The following PHLPP1 variants were observed in gnomAD, a reference collection of about 807,000 sequenced individuals.
PHLPP1 encodes PH domain and leucine rich repeat protein phosphatase 1, also known as PH domain leucine-rich repeat-containing protein phosphatase 1.
Under a neutral mutation model 117.2 loss-of-function variants are expected in PHLPP1, and 42 were observed. That is an observed-to-expected ratio of 0.36 (90% CI 0.28 to 0.46). PHLPP1 has a LOEUF of 0.46. Ranked by LOEUF, PHLPP1 falls within the 20% of genes least tolerant of loss-of-function variation. PHLPP1 has a pLI of 1.00. For missense variants in PHLPP1, 2,084 were observed against 2,241.9 expected, an observed-to-expected ratio of 0.93 and a Z score of 1.42; for synonymous variants, 1,042 against 970.7, an observed-to-expected ratio of 1.07 and a Z score of -1.37.
chr18:62,937,793 C>T (rs192883817), intron 10 of PHLPP1, among the ~76,000 whole-genome samples: 1 of 152,286 alleles, frequency 6.6e-6, no homozygotes, highest in Non-Finnish European at 1.5e-5. Context: ...AGGTGGGTCA[C>T]TTGAAGTCAG....
At chr18:62,793,936 T>G (rs1913542717) in intron 1 of PHLPP1, among the ~76,000 whole-genome samples, 1 of 152,242 alleles carries the variant, frequency 6.6e-6, no homozygotes, top group South Asian at 2.1e-4. Flanking sequence ...ATTATACAAG[T>G]TTGGTTTCCC....
intron 1 of PHLPP1, among the ~76,000 whole-genome samples, chr18:62,768,881 G>T (rs1325552160): frequency 6.6e-6 from 1 of 152,144 alleles, no homozygotes. Flanking sequence ...TTAGCTATCA[G>T]AATTATAATT....
chr18:62,744,182 C>T (rs753323767), intron 1 of PHLPP1, among the ~76,000 whole-genome samples: 1 of 152,074 alleles, frequency 6.6e-6, no homozygotes, highest in Non-Finnish European at 1.5e-5. Flanking sequence ...ATCTGGGCAC[C>T]CCAGCTTCTG....
chr18:62,720,475 A>G (rs546474866), intron 1 of PHLPP1, among the ~76,000 whole-genome samples: 7 of 152,254 alleles, frequency 4.6e-5, no homozygotes, highest in South Asian at 2.1e-4. Flanking sequence ...CGCGGGAACA[A>G]TCTTTTTATC....
At position 62,945,198 on chromosome 18, in the gene PHLPP1, G is replaced by A. The variant is rs780394677; in HGVS notation, c.3251G>A (p.Arg1084His). ...CCAACAACGATCATGAATTGCAGGC[G>A]CATGCACACCGTGATTGCTCACTCC... ...AIPTTIMNCR[R>H]MHTVIAHSNC... Residue 1084 changes from arginine (R) to histidine (H), a missense_variant, in exon 12 of 17, where the codon CGC (arginine) becomes CAC (histidine). Arg to His is a conservative substitution (Grantham distance 29, BLOSUM62 0). Coordinates refer to ENST00000262719, the MANE Select transcript of PHLPP1 (RefSeq NM_194449.4). The A allele has an allele frequency of 5.0e-5, 81 of 1,612,874 alleles. No homozygotes were observed. The highest frequency in any genetic ancestry group is 6.7e-5 in the African/African-American group (5 of 74,852).
At chr18:62,829,982 T>G (rs1031455069) in intron 1 of PHLPP1, 53 bp from the exon 2 acceptor site, 3 of 1,353,352 alleles carry the variant, frequency 2.2e-6, no homozygotes, top group Non-Finnish European at 3.1e-6. Flanking sequence ...TGTAGATGAG[T>G]AGGAAAAGGG....
chr18:62,933,397 G>A (rs550844336), intron 10 of PHLPP1, among the ~76,000 whole-genome samples: 10 of 152,142 alleles, frequency 6.6e-5, no homozygotes, highest in Non-Finnish European at 1.2e-4. Context: ...AAACAGCATC[G>A]AACTGTTACA....
At chr18:62,808,609 A>G (rs149155662) in intron 1 of PHLPP1, among the ~76,000 whole-genome samples, 333 of 149,370 alleles carry the variant, frequency 2.2e-3, no homozygotes, top group African/African-American at 7.5e-3. Context: ...CTGGGGTGCA[A>G]TGGCACCATG....
At chr18:62,733,870 G>A (rs1266685357) in intron 1 of PHLPP1, among the ~76,000 whole-genome samples, 1 of 152,146 alleles carries the variant, frequency 6.6e-6, no homozygotes, top group Admixed American at 6.5e-5. Flanking sequence ...AGATACAGTC[G>A]ACCGAGTTTA....
At position 62,716,554 on chromosome 18, in the gene PHLPP1, T is replaced by G. The variant is rs187210763; in HGVS notation, c.871T>G (p.Phe291Val). The G allele has an allele frequency of 0.042, 50,203 of 1,186,564 alleles. 1,165 individuals carry two copies. Among genetic ancestry groups the G allele is most frequent in the Non-Finnish European group, 0.047 (44,957 of 959,428 alleles). The allele number at this position is 1,186,564 out of a possible 1,614,324, so 73.5% of individuals were successfully genotyped here. A position where few individuals can be genotyped will look rare whatever the true frequency, so the allele number is the denominator to read the frequency against. Residue 291 changes from phenylalanine to valine, a missense_variant, in exon 1 of 17, where the codon TTC becomes GTC. Coordinates refer to ENST00000262719, the MANE Select transcript of PHLPP1 (RefSeq NM_194449.4). The surrounding 1 kb of genome is among the most constrained non-coding windows in gnomAD (Gnocchi z 5.7). ...VPPARSAPGA[F>V]GGPPRAPPAD... is the part of the protein sequence containing the mutation. The stretch of plus-strand genomic sequence containing the variant: ...GCCCGCGAGGAGCGCGCCGGGTGCC[T>G]TCGGGGGGCCTCCGCGCGCGCCCCC...
intron 1 of PHLPP1, among the ~76,000 whole-genome samples, chr18:62,771,260 C>A (rs1912765109): frequency 6.6e-6 from 1 of 151,684 alleles, no homozygotes; most frequent in Admixed American, 6.6e-5. Context: ...TCTCAGCCAT[C>A]CATGTGGATC....
At chr18:62,892,573 T>C (rs1916454139) in intron 4 of PHLPP1, among the ~76,000 whole-genome samples, 1 of 151,994 alleles carries the variant, frequency 6.6e-6, no homozygotes, top group South Asian at 2.1e-4. Context: ...CATCTTAGTA[T>C]TGTTATAAAA....
intron 10 of PHLPP1, among the ~76,000 whole-genome samples, chr18:62,934,857 A>G (rs1015527633): frequency 6.6e-6 from 1 of 152,200 alleles, no homozygotes; most frequent in Admixed American, 6.5e-5. Flanking sequence ...AATAAGGAAA[A>G]TAGTACCTCA....
At position 62,849,832 on chromosome 18, in the gene PHLPP1, A is replaced by AAAT. The variant is rs1555677083; in HGVS notation, c.1900-10602_1900-10601insATA. ...AAAAAAAAAAAAAAAAAAAAAAAAA[A>AAAT]ATATATATATCCTTTAAAGTTTAGT... On this transcript the variant is annotated intron_variant, in intron 3 of 16. Transcript: ENST00000262719. Among the ~76,000 whole-genome samples the AAAT allele has an allele frequency of 9.1e-4, 30 of 33,080 alleles. 2 individuals carry two copies. The highest frequency in any genetic ancestry group is 1.6e-3 in the East Asian group (2 of 1,226). 21.7% of individuals were successfully genotyped at this position (33,080 alleles called of 152,430 possible). A position where few individuals can be genotyped will look rare whatever the true frequency, so the allele number is the denominator to read the frequency against.
chr18:62,766,159 A>G (rs1381983169), intron 1 of PHLPP1, among the ~76,000 whole-genome samples: 2 of 138,234 alleles, frequency 1.4e-5, no homozygotes, highest in Non-Finnish European at 3.1e-5. Context: ...TGTAAGATGA[A>G]TAGGATTTAG....
chr18:62,933,817 A>G (rs1056107923), intron 10 of PHLPP1, among the ~76,000 whole-genome samples: 4 of 152,236 alleles, frequency 2.6e-5, no homozygotes, highest in Non-Finnish European at 4.4e-5. Flanking sequence ...GACAATCTAC[A>G]GAATGGTAGA....
At chr18:62,861,482 C>A (rs1316508919) in intron 4 of PHLPP1, among the ~76,000 whole-genome samples, 1 of 152,214 alleles carries the variant, frequency 6.6e-6, no homozygotes, top group African/African-American at 2.4e-5. Context: ...TTACCACATT[C>A]ACTTCCTTTC....
chr18:62,901,484 C>T (rs1056216286), intron 6 of PHLPP1, among the ~76,000 whole-genome samples: 3 of 152,170 alleles, frequency 2.0e-5, no homozygotes, highest in Non-Finnish European at 4.4e-5. Flanking sequence ...TGCTGGAACT[C>T]ATCCTTGTGT....
intron 6 of PHLPP1, among the ~76,000 whole-genome samples, chr18:62,896,835 T>C (rs1916576223): frequency 6.6e-6 from 1 of 152,162 alleles, no homozygotes; most frequent in African/African-American, 2.4e-5. Flanking sequence ...TCCAGTCCCA[T>C]AAAGAATTGC....
Sources: allele counts gnomAD v4.1 joint callset (sites outside exome capture counted in the v4.1 genomes callset), GRCh38; gene constraint gnomAD v4.1.1; non-coding constraint Gnocchi (gnomAD v3.1); transcripts MANE v1.5; gene names NCBI Gene and HGNC (gene_info 2026-07-23, HGNC 2026-07-21).